The following CSMD1 variants were observed in gnomAD, a reference collection of about 807,000 sequenced individuals.
The protein encoded by CSMD1 is CUB and sushi domain-containing protein 1.
Under a neutral mutation model 417.5 loss-of-function variants are expected in CSMD1, and 213 were observed. The observed-to-expected ratio is 0.51, with a 90% confidence interval of 0.46 to 0.57. CSMD1 has a LOEUF of 0.57. CSMD1 is among the 20% of genes least tolerant of loss of function. The pLI is 0.00. For missense variants in CSMD1, 6,923 were observed against 4,529.7 expected (o/e 1.53, Z -15.17); for synonymous variants, 2,862 against 1,736.8 (o/e 1.65, Z -16.11).
intron 10 of CSMD1, among the ~76,000 whole-genome samples, chr8:3,505,778 G>C (rs1393947180): frequency 6.6e-6 from 1 of 152,304 alleles, no homozygotes; most frequent in African/African-American, 2.4e-5. Context: ...TTTTATGTGA[G>C]AAGGAAGAGA....
intron 27 of CSMD1, among the ~76,000 whole-genome samples, chr8:3,225,189 T>A (rs1180443872): frequency 6.7e-6 from 1 of 150,370 alleles, no homozygotes; most frequent in Non-Finnish European, 1.5e-5. Flanking sequence ...TATTTAACAT[T>A]TCTGAAAACT....
At chr8:4,659,547 G>C (rs1173340946) in intron 1 of CSMD1, among the ~76,000 whole-genome samples, 2 of 152,098 alleles carry the variant, frequency 1.3e-5, no homozygotes, top group Admixed American at 1.3e-4. Context: ...AAATGTCACA[G>C]ACAGTACAAT....
intron 42 of CSMD1, among the ~76,000 whole-genome samples, chr8:3,111,788 T>A (rs537701970): frequency 7.9e-5 from 12 of 152,034 alleles, no homozygotes; most frequent in Non-Finnish European, 1.6e-4. Flanking sequence ...GCCGAGATTG[T>A]GCCATTGCAC....
At chr8:3,013,180 G>T (rs904370403) in intron 52 of CSMD1, among the ~76,000 whole-genome samples, 3 of 152,194 alleles carry the variant, frequency 2.0e-5, no homozygotes, top group Admixed American at 6.5e-5. Context: ...ATGAATGGAA[G>T]TATGCACATA....
intron 1 of CSMD1, among the ~76,000 whole-genome samples, chr8:4,687,511 A>T (rs1407936852): frequency 6.6e-6 from 1 of 152,182 alleles, no homozygotes. Flanking sequence ...AGAAGACACG[A>T]TCTCTGGGAA....
At chr8:4,042,667 C>T (rs3990497) in intron 3 of CSMD1, among the ~76,000 whole-genome samples, 34,361 of 151,316 alleles carry the variant, frequency 0.23, 4,139 homozygotes, top group Middle Eastern at 0.29. Context: ...ACACTATTAG[C>T]TGTTTAAAGC....
chr8:4,868,739 A>C (rs1802562111), intron 1 of CSMD1, among the ~76,000 whole-genome samples: 1 of 151,808 alleles, frequency 6.6e-6, no homozygotes, highest in South Asian at 2.1e-4. Flanking sequence ...ACTAGATTTG[A>C]CACTGGTGAC....
intron 7 of CSMD1, among the ~76,000 whole-genome samples, chr8:3,661,789 G>C (rs1042704389): frequency 6.6e-6 from 1 of 152,148 alleles, no homozygotes; most frequent in Non-Finnish European, 1.5e-5. Context: ...GAGCCACCAT[G>C]ACCGGCAAAC....
chr8:4,538,258 C>G (rs1006437765), intron 2 of CSMD1, among the ~76,000 whole-genome samples: 7 of 151,432 alleles, frequency 4.6e-5, no homozygotes, highest in African/African-American at 7.3e-5. Flanking sequence ...TTTCTAATCC[C>G]TCTTCTGCAT....
intron 2 of CSMD1, among the ~76,000 whole-genome samples, chr8:4,564,404 T>C (rs1007985303): frequency 6.6e-6 from 1 of 152,212 alleles, no homozygotes; most frequent in Non-Finnish European, 1.5e-5. Flanking sequence ...TGCTCACTGT[T>C]CTGGACAGTG....
At chr8:3,674,084 T>A (rs1306374710) in intron 7 of CSMD1, among the ~76,000 whole-genome samples, 6 of 151,972 alleles carry the variant, frequency 3.9e-5, no homozygotes, top group African/African-American at 1.4e-4. Flanking sequence ...CCAGCTTGAG[T>A]GACAGAGTGA....
chr8:4,924,376 T>C (rs1393076073), intron 1 of CSMD1, among the ~76,000 whole-genome samples: 1 of 152,192 alleles, frequency 6.6e-6, no homozygotes, highest in Non-Finnish European at 1.5e-5. Context: ...TTTTATTGAA[T>C]TAAAAACCAT....
At chr8:2,966,446 T>G in intron 58 of CSMD1, 124 bp downstream of exon 58, 1 of 851,888 alleles carries the variant, frequency 1.2e-6, no homozygotes, top group South Asian at 2.2e-5. Flanking sequence ...CACACATAGT[T>G]TTCCCTTTTT....
rs35532156 is a variant in CSMD1 at position 4,398,951 on chromosome 8, G to A, written c.415+21002C>T. On this transcript the variant is annotated intron_variant, in intron 3 of 69. Transcript: ENST00000635120. Reference sequence around the variant, plus strand: ...TGCTCCAGAATATATTCTTGAGAATGTTTTTTAAAAGCTTCTTCCAGGAAA... The same window carrying A: ...TGCTCCAGAATATATTCTTGAGAATATTTTTTAAAAGCTTCTTCCAGGAAA... Among the ~76,000 whole-genome samples the A allele has an allele frequency of 7.9e-3, 1,196 of 152,224 alleles. 4 individuals are homozygous for A. The highest frequency in any genetic ancestry group is 0.011 in the Admixed American group (172 of 15,278).
At chr8:3,509,786 C>T (rs907136755) in intron 10 of CSMD1, among the ~76,000 whole-genome samples, 8 of 152,176 alleles carry the variant, frequency 5.3e-5, no homozygotes, top group African/African-American at 1.9e-4. Flanking sequence ...TGCCTTCTGT[C>T]CTGGAGCACA....
At chr8:4,134,379 G>A (rs1430671638) in intron 3 of CSMD1, among the ~76,000 whole-genome samples, 4 of 152,172 alleles carry the variant, frequency 2.6e-5, no homozygotes, top group East Asian at 3.9e-4. Context: ...TGAAGAAATC[G>A]GGACACAGAA....
chr8:4,898,284 T>C (rs191547191), intron 1 of CSMD1, among the ~76,000 whole-genome samples: 7 of 152,230 alleles, frequency 4.6e-5, no homozygotes, highest in Admixed American at 4.6e-4. Context: ...AATAAAATGT[T>C]CATTTTGTAT....
intron 3 of CSMD1, among the ~76,000 whole-genome samples, chr8:4,343,131 A>C (rs1365768248): frequency 2.6e-5 from 4 of 152,122 alleles, no homozygotes; most frequent in African/African-American, 9.7e-5. Flanking sequence ...CAAAACATAA[A>C]AACAGATGCC....
rs547022055 is a variant in CSMD1 at position 3,962,663 on chromosome 8, G to C, written c.818+35240C>G. On this transcript the variant is annotated intron_variant, in intron 5 of 69. Transcript: ENST00000635120. ...GGACATTCAATTGCAGTTAGATATG[G>C]AAATCAGAGCAGCTGGGTGGGGAGT... 3.9e-5 allele frequency among the ~76,000 whole-genome samples: 6 copies of C among 152,268 alleles called. No individual in the cohort carries two copies. The East Asian group carries it at 9.7e-4, about 25-fold the overall frequency.
Sources: gnomAD v4.1 joint callset for allele counts (sites outside exome capture counted in the v4.1 genomes callset) on GRCh38, gnomAD v4.1.1 for gene constraint, MANE v1.5 for transcripts, NCBI Gene and HGNC (gene_info 2026-07-23, HGNC 2026-07-21) for gene names.